AFF1: variants seen among roughly 807,000 people sequenced by gnomAD.
AFF1 encodes the protein AF4/FMR2 family member 1.
AFF1 carries 48 observed loss-of-function variants against 121.7 expected under a neutral mutation model. The observed-to-expected ratio is 0.39, with a 90% CI of 0.31 to 0.50. The LOEUF (loss-of-function observed/expected upper bound fraction) is 0.50, where lower values mean the gene tolerates loss of function less well. Among genes scored for constraint, AFF1 ranks in the 20% least tolerant of loss-of-function variants. AFF1 has a pLI of 0.76. For missense variants in AFF1, 1,523 were observed against 1,511.7 expected (o/e 1.01, Z -0.12); for synonymous variants, 613 against 563.0 (o/e 1.09, Z -1.26).
intron 12 of AFF1, among the ~76,000 whole-genome samples, chr4:87,115,625 T>TTTTTTTTTTTTTTTTTTTTTTC (rs397994396): frequency 2.9e-5 from 3 of 102,970 alleles, no homozygotes; most frequent in Non-Finnish European, 3.9e-5. Context: ...TTTTTTTTTT[T>TTTTTTTTTTTTTTTTTTTTTTC]CCAAAGACAG....
rs35682600 is a variant in AFF1, at chr4:86,944,140, T to TAA, written c.-36-4336_-36-4335dup. Among the ~76,000 whole-genome samples, 307 of 96,096 alleles carry TAA rather than the reference T, an allele frequency of 3.2e-3. 3 individuals carry two copies. The highest frequency in any genetic ancestry group is 8.0e-3 in the African/African-American group (196 of 24,614). The allele number at this position is 96,096 out of a possible 152,430, so 63.0% of individuals were successfully genotyped here. On this transcript the variant is annotated intron_variant, in intron 1 of 20. Transcript: ENST00000395146. ...GCCTGGGTGACAGAGCAAGACCCTG[T>TAA]AAAAAAAAAAAAAAAAAAAAAAAGT...
chr4:87,055,152 AT>A (rs1356555547), intron 4 of AFF1, among the ~76,000 whole-genome samples: 1 of 152,084 alleles, frequency 6.6e-6, no homozygotes, highest in African/African-American at 2.4e-5. Context: ...ATTTATTTTT[AT>A]TTTTTGTAGA....
intron 16 of AFF1, among the ~76,000 whole-genome samples, chr4:87,130,074 A>G (rs13114628): frequency 6.6e-6 from 1 of 151,022 alleles, no homozygotes; most frequent in African/African-American, 2.4e-5. Flanking sequence ...TCCCATATTC[A>G]AGCGACTCTC....
rs376495098 is a variant in AFF1, at chr4:87,047,228, G to T, written c.693G>T (p.Thr231=). 8.7e-6 allele frequency: 14 copies of T among 1,613,998 alleles called. No individual in the cohort carries two copies. The highest frequency in any genetic ancestry group is 9.3e-6 in the Non-Finnish European group (11 of 1,180,048). Reference sequence around the variant, plus strand: ...CCAACCAGCAAACTCTTCCCCGGACGCAAGGAAGCAGCAAGGTTCATGGCA... The same window carrying T: ...CCAACCAGCAAACTCTTCCCCGGACTCAAGGAAGCAGCAAGGTTCATGGCA... ...IHSNQQTLPR[T]QGSSKVHGSS... is the part of the protein sequence containing the mutation. The change falls in exon 4 of 21, where the codon ACG becomes ACT. Residue 231 remains threonine, a synonymous_variant. Coordinates refer to ENST00000395146, the MANE Select transcript of AFF1 (RefSeq NM_001166693.3).
chr4:86,952,687 C>T (rs1037336244), intron 2 of AFF1, among the ~76,000 whole-genome samples: 4 of 122,988 alleles, frequency 3.3e-5, no homozygotes, highest in African/African-American at 6.0e-5. Context: ...AAAAACACAA[C>T]TTTTTTTTTT....
At position 87,046,206 on chromosome 4, in the gene AFF1, A is replaced by G. The variant is rs1464566701; in HGVS notation, c.79A>G (p.Lys27Glu). Residue 27 changes from lysine to glutamate, a missense_variant, in exon 3 of 21, where the codon AAG becomes GAG. Around this residue, in one of 5 missense-constraint regions of AFF1, gnomAD observed 369 missense variants for 367.2 expected, o/e 1.00. Transcript: ENST00000395146. ...CAGAAACCTGCTTCGAATTAGAGAG[A>G]AGGAAAGACGCAACCAGGAAGCCCA... ...DDRNLLRIREKERRNQEAHQE... is the reference protein window; with the variant it reads ...DDRNLLRIREEERRNQEAHQE... 1 of 1,613,824 alleles carries G rather than the reference A, an allele frequency of 6.2e-7. No individual in the cohort carries two copies. The highest frequency in any genetic ancestry group is 1.7e-5 in the Admixed American group (1 of 59,944).
At chr4:86,955,996 A>T (rs950429068) in intron 2 of AFF1, among the ~76,000 whole-genome samples, 1 of 152,246 alleles carries the variant, frequency 6.6e-6, no homozygotes, top group Non-Finnish European at 1.5e-5. Flanking sequence ...TGTGCAAGTA[A>T]ATCAAGGGCC....
intron 12 of AFF1, among the ~76,000 whole-genome samples, chr4:87,120,994 C>G (rs1306069586): frequency 7.1e-6 from 1 of 140,208 alleles, no homozygotes. Flanking sequence ...CACTCTTGCC[C>G]TGTGCTCCAC....
intron 2 of AFF1, among the ~76,000 whole-genome samples, chr4:86,974,439 C>T (rs1723153209): frequency 6.6e-6 from 1 of 152,152 alleles, no homozygotes; most frequent in African/African-American, 2.4e-5. Flanking sequence ...CTTGAGCCAA[C>T]ATGCCCTGCC....
At chr4:87,080,748 G>A (rs1178332211) in intron 4 of AFF1, among the ~76,000 whole-genome samples, 3 of 152,208 alleles carry the variant, frequency 2.0e-5, no homozygotes, top group African/African-American at 2.4e-5. Context: ...GCTTGGAGGT[G>A]CCAAGTTGCA....
intron 2 of AFF1, among the ~76,000 whole-genome samples, chr4:86,997,884 G>T (rs1725343101): frequency 6.6e-6 from 1 of 152,092 alleles, no homozygotes; most frequent in African/African-American, 2.4e-5. Flanking sequence ...CGAGGCTGAG[G>T]TCAAGGACTC....
rs1729613821 is a variant in AFF1, at chr4:87,140,280, A to G, written c.*4579A>G. 1 of 193,190 alleles carries G rather than the reference A, an allele frequency of 5.2e-6. No individual in the cohort carries two copies. The highest frequency in any genetic ancestry group is 1.1e-5 in the Non-Finnish European group (1 of 92,308). The allele number at this position is 193,190 out of a possible 1,614,324, so 12.0% of individuals were successfully genotyped here. A position where few individuals can be genotyped will look rare whatever the true frequency, so the allele number is the denominator to read the frequency against. On this transcript the variant is annotated 3_prime_UTR_variant, in exon 21 of 21. Transcript: ENST00000395146. ...ATTCACCTTTGTTCAGGCCATCGAC[A>G]TGTATTGTTAAAATTACTGCATATC...
At chr4:86,999,053 C>T (rs1347448826) in intron 2 of AFF1, among the ~76,000 whole-genome samples, 2 of 152,204 alleles carry the variant, frequency 1.3e-5, no homozygotes, top group Non-Finnish European at 2.9e-5. Flanking sequence ...ATTTCTCAGG[C>T]TGTCTCTTTC....
intron 2 of AFF1, among the ~76,000 whole-genome samples, chr4:86,968,235 T>G (rs767552193): frequency 2.4e-4 from 36 of 152,198 alleles, no homozygotes; most frequent in Non-Finnish European, 3.8e-4. Context: ...ATTTAAATTG[T>G]TTTTGTTTTT....
In AFF1 at chr4:87,114,639, A is replaced by G. The variant is rs372542065; in HGVS notation, c.1806A>G (p.Pro602=). ...CQKSPAQQEP[P]QRQTVGTKQP... is the part of the protein sequence containing the mutation. ...AGTCTCCGGCACAGCAGGAGCCCCC[A>G]CAAAGGCAAACCGTTGGAACCAAAC... is the stretch of plus-strand genomic sequence containing the variant. Residue 602 remains proline, a synonymous_variant, in exon 12 of 21, where the codon CCA becomes CCG. Transcript: ENST00000395146. 38 of 1,337,010 alleles carry G rather than the reference A, an allele frequency of 2.8e-5. No individual in the cohort carries two copies. The highest frequency in any genetic ancestry group is 3.7e-5 in the Non-Finnish European group (38 of 1,016,686). 82.8% of individuals were successfully genotyped at this position (1,337,010 alleles called of 1,614,324 possible).
At chr4:86,988,763 G>A (rs150073522) in intron 2 of AFF1, among the ~76,000 whole-genome samples, 2,705 of 152,230 alleles carry the variant, frequency 0.018, 39 homozygotes, top group Non-Finnish European at 0.029. Flanking sequence ...AACAAAGCTG[G>A]AGGCATCATG....
chr4:86,977,910 G>A (rs576322625), intron 2 of AFF1, among the ~76,000 whole-genome samples: 1 of 152,174 alleles, frequency 6.6e-6, no homozygotes, highest in South Asian at 2.1e-4. Context: ...AGTATTTATC[G>A]AGTGCCTACT....
At chr4:87,027,319 C>T (rs1337321217) in intron 2 of AFF1, among the ~76,000 whole-genome samples, 3 of 152,210 alleles carry the variant, frequency 2.0e-5, no homozygotes, top group Admixed American at 6.5e-5. Flanking sequence ...TTTTGCTTGG[C>T]GTGCATGCAC....
intron 2 of AFF1, among the ~76,000 whole-genome samples, chr4:86,978,218 C>G (rs1049214800): frequency 3.6e-5 from 2 of 56,140 alleles, no homozygotes; most frequent in African/African-American, 1.1e-4. Flanking sequence ...GAGTCTCGCT[C>G]TGTCAGCTAG....
Sources: gnomAD v4.1 joint callset for allele counts (sites outside exome capture counted in the v4.1 genomes callset) on GRCh38, gnomAD v4.1.1 for gene constraint, gnomAD v4.1.1 regional missense constraint, MANE v1.5 for transcripts, NCBI Gene and HGNC (gene_info 2026-07-23, HGNC 2026-07-21) for gene names.